The following SDK1 variants were observed in gnomAD, a reference collection of about 807,000 sequenced individuals.
SDK1 encodes the protein protein sidekick-1.
A neutral mutation model predicts 245.5 loss-of-function variants in SDK1; 157 were observed. The observed-to-expected ratio is 0.64, with a 90% CI of 0.56 to 0.73. The LOEUF is 0.73. SDK1 is among the 30% of genes least tolerant of loss of function. SDK1 has a pLI of 0.00. For missense variants in SDK1, 3,583 were observed against 3,002.3 expected (o/e 1.19, Z -4.52); for synonymous variants, 1,647 against 1,278.5 (o/e 1.29, Z -6.15).
At chr7:3,320,288 C>CA (rs1562411482) in intron 1 of SDK1, among the ~76,000 whole-genome samples, 2 of 79,486 alleles carry the variant, frequency 2.5e-5, no homozygotes, top group East Asian at 9.7e-4. Context: ...CTATTTTTTT[C>CA]CCCCTATCTC....
In SDK1 at chr7:3,823,539, C is replaced by G. The variant is rs16870951; in HGVS notation, c.847+1956C>G. 9.4e-3 allele frequency among the ~76,000 whole-genome samples: 1,426 copies of G among 152,294 alleles called. 19 individuals are homozygous for G. Among genetic ancestry groups the G allele is most frequent in the African/African-American group, 0.033 (1,373 of 41,548 alleles). On this transcript the variant is annotated intron_variant, in intron 5 of 44. Transcript: ENST00000404826. Reference sequence around the variant, plus strand: ...TACAGTGAATTTGCAAACCGCTGTACTAGCGTAATACCATGGTGTTAGATA... The same window carrying G: ...TACAGTGAATTTGCAAACCGCTGTAGTAGCGTAATACCATGGTGTTAGATA...
chr7:3,952,142 C>G, intron 7 of SDK1: 2 of 549,186 alleles, frequency 3.6e-6, no homozygotes, highest in Non-Finnish European at 6.3e-6. Flanking sequence ...CAAGAAACGT[C>G]CTTCTGAATA....
intron 1 of SDK1, among the ~76,000 whole-genome samples, chr7:3,310,060 A>G (rs1779514213): frequency 6.6e-6 from 1 of 152,224 alleles, no homozygotes; most frequent in South Asian, 2.1e-4. Flanking sequence ...CTAGAGCCAC[A>G]TGCTCAAAAG....
chr7:3,460,169 G>C (rs1048796334), intron 1 of SDK1, among the ~76,000 whole-genome samples: 27 of 152,096 alleles, frequency 1.8e-4, no homozygotes. Flanking sequence ...TTTTTGATGG[G>C]AAAATGCTTT....
chr7:3,762,694 C>A (rs1272946643), intron 4 of SDK1, among the ~76,000 whole-genome samples: 1 of 152,158 alleles, frequency 6.6e-6, no homozygotes, highest in African/African-American at 2.4e-5. Flanking sequence ...GGGGATGTAA[C>A]ATTCACTGTA....
At chr7:3,747,412 C>T (rs1562413972) in intron 4 of SDK1, among the ~76,000 whole-genome samples, 3 of 152,118 alleles carry the variant, frequency 2.0e-5, no homozygotes, top group South Asian at 4.2e-4. Context: ...GTGTATGTAA[C>T]ATTCTGACAG....
chr7:3,894,949 G>A (rs746743711), intron 5 of SDK1, among the ~76,000 whole-genome samples: 3 of 151,988 alleles, frequency 2.0e-5, no homozygotes, highest in Non-Finnish European at 4.4e-5. Context: ...CTGAAGTGCT[G>A]GGATTACAGG....
chr7:4,025,351 C>G (rs537555188), intron 17 of SDK1, among the ~76,000 whole-genome samples: 1 of 152,140 alleles, frequency 6.6e-6, no homozygotes, highest in Non-Finnish European at 1.5e-5. Flanking sequence ...TAAAGACAGA[C>G]GGGTCTGAGT....
chr7:3,805,904 G>C (rs1208628344), intron 4 of SDK1, among the ~76,000 whole-genome samples: 1 of 152,122 alleles, frequency 6.6e-6, no homozygotes, highest in Non-Finnish European at 1.5e-5. Context: ...TCACCTCCTT[G>C]TAGCTGGCCT....
At chr7:3,667,735 T>A (rs1350415265) in intron 4 of SDK1, among the ~76,000 whole-genome samples, 2 of 152,228 alleles carry the variant, frequency 1.3e-5, no homozygotes. Flanking sequence ...TCAGTTCTCG[T>A]AATGCATCTG....
rs144607577 is a variant in SDK1, at chr7:3,966,563, C to T, written c.1430-755C>T. Among the ~76,000 whole-genome samples, 555 of 152,234 alleles carry T rather than the reference C, an allele frequency of 3.6e-3. 4 individuals carry two copies. Among genetic ancestry groups the T allele is most frequent in the African/African-American group, 0.013 (532 of 41,530 alleles). On this transcript the variant is annotated intron_variant, in intron 9 of 44. Coordinates refer to ENST00000404826, the MANE Select transcript of SDK1 (RefSeq NM_152744.4). The stretch of plus-strand genomic sequence containing the variant: ...AGCACTTGGGGATCATGACACCTCC[C>T]AGAAATGTATCTTTATGGAGGTCTT...
At chr7:3,985,135 G>A (rs1269624912) in intron 13 of SDK1, among the ~76,000 whole-genome samples, 1 of 151,714 alleles carries the variant, frequency 6.6e-6, no homozygotes, top group East Asian at 1.9e-4. Context: ...GACCCATCCT[G>A]GAAGGATCTT....
At chr7:3,577,417 G>T (rs1227897365) in intron 1 of SDK1, among the ~76,000 whole-genome samples, 1 of 152,004 alleles carries the variant, frequency 6.6e-6, no homozygotes, top group Non-Finnish European at 1.5e-5. Flanking sequence ...GACCATGCAG[G>T]TCTTCACTGA....
At chr7:4,084,787 G>C (rs1781328338) in intron 22 of SDK1, among the ~76,000 whole-genome samples, 4 of 151,548 alleles carry the variant, frequency 2.6e-5, no homozygotes, top group Admixed American at 2.6e-4. Context: ...ATTTATTTGA[G>C]ATGGAGTTTC....
rs1380043373 is a variant in SDK1 at position 3,527,920 on chromosome 7, T to G, written c.299-91160T>G. ...GAGGTAAGGTTGGATCATGGCCAGC[T>G]AGGGGGTGAATGGTAGGAGGTAAAG... On this transcript the variant is annotated intron_variant, in intron 1 of 44. Transcript: ENST00000404826. Among the ~76,000 whole-genome samples, 7 of 141,228 alleles carry G rather than the reference T, an allele frequency of 5.0e-5. No homozygotes were observed. The Admixed American group carries it at 5.0e-4, about 10-fold the overall frequency. The allele number at this position is 141,228 out of a possible 152,430, so 92.7% of individuals were successfully genotyped here.
chr7:3,652,928 A>G (rs1206601157), intron 4 of SDK1, among the ~76,000 whole-genome samples: 1 of 152,204 alleles, frequency 6.6e-6, no homozygotes, highest in Non-Finnish European at 1.5e-5. Context: ...TAGAATCAGA[A>G]GACTGCAGGA....
chr7:3,718,545 AAATAAATAAATAAATAAATAAAT>A (rs1785270507), intron 4 of SDK1, among the ~76,000 whole-genome samples: 2 of 120,042 alleles, frequency 1.7e-5, no homozygotes, highest in African/African-American at 8.2e-5. Flanking sequence ...ATAAATAAAT[AAATAAATAAATAAATAAATAAAT>A]AAATAAATAA....
At chr7:3,779,222 C>G (rs1217622477) in intron 4 of SDK1, among the ~76,000 whole-genome samples, 1 of 152,122 alleles carries the variant, frequency 6.6e-6, no homozygotes, top group Admixed American at 6.5e-5. Context: ...GAATACAGAG[C>G]TGGAGTTGGC....
At chr7:3,544,129 C>G (rs996735478) in intron 1 of SDK1, among the ~76,000 whole-genome samples, 2 of 152,180 alleles carry the variant, frequency 1.3e-5, no homozygotes, top group Non-Finnish European at 2.9e-5. Flanking sequence ...GGCCTTATAG[C>G]ATCAATTTCA....
Sources: allele counts gnomAD v4.1 joint callset (sites outside exome capture counted in the v4.1 genomes callset), GRCh38; gene constraint gnomAD v4.1.1; transcripts MANE v1.5; gene names NCBI Gene and HGNC (gene_info 2026-07-23, HGNC 2026-07-21).